The following AUH variants were observed in gnomAD, a reference collection of about 807,000 sequenced individuals.
AUH encodes the protein methylglutaconyl-CoA hydratase, mitochondrial.
In AUH, 29 loss-of-function variants were observed where a neutral mutation model predicts 42.3. The observed-to-expected ratio is 0.69, with a 90% confidence interval of 0.51 to 0.93. The LOEUF (loss-of-function observed/expected upper bound fraction) is 0.93, where lower values mean the gene tolerates loss of function less well. AUH is among the 40% of genes least tolerant of loss of function. The pLI is 0.00. For missense variants in AUH, 452 were observed against 438.1 expected (o/e 1.03, Z -0.28); for synonymous variants, 174 against 166.4 (o/e 1.05, Z -0.35).
At chr9:91,229,861 T>G (rs1159168775) in intron 6 of AUH, among the ~76,000 whole-genome samples, 1 of 151,772 alleles carries the variant, frequency 6.6e-6, no homozygotes, top group African/African-American at 2.4e-5. Context: ...AATTCTTTTC[T>G]TTAAGAATGT....
chr9:91,329,017 C>T (rs1037258852), intron 3 of AUH, among the ~76,000 whole-genome samples: 1 of 152,144 alleles, frequency 6.6e-6, no homozygotes, highest in African/African-American at 2.4e-5. Context: ...TAAATTCATA[C>T]AATATGTGGT....
intron 6 of AUH, among the ~76,000 whole-genome samples, chr9:91,288,524 T>G (rs1826600026): frequency 2.6e-5 from 4 of 152,128 alleles, no homozygotes. Flanking sequence ...TTTAAATTAT[T>G]TTTAAATGGG....
At chr9:91,356,215 C>G in intron 1 of AUH, 60 bp from the exon 2 acceptor site, 1 of 1,327,478 alleles carries the variant, frequency 7.5e-7, no homozygotes, top group Non-Finnish European at 1.1e-6. Flanking sequence ...AGAGAACAGA[C>G]TCTACATCAC....
intron 6 of AUH, among the ~76,000 whole-genome samples, chr9:91,257,733 C>G (rs183525034): frequency 3.6e-4 from 55 of 152,286 alleles, no homozygotes; most frequent in Non-Finnish European, 3.2e-4. Flanking sequence ...AGTGTTTAAT[C>G]TACCAACTTT....
chr9:91,282,024 A>C (rs76927933), intron 6 of AUH, among the ~76,000 whole-genome samples: 3,003 of 152,210 alleles, frequency 0.02, 86 homozygotes, highest in African/African-American at 0.06. Flanking sequence ...GTAAAAGTTA[A>C]AAGTCCTGAC....
chr9:91,299,476 G>A (rs1242874581), intron 4 of AUH, among the ~76,000 whole-genome samples: 2 of 152,054 alleles, frequency 1.3e-5, no homozygotes, highest in East Asian at 3.9e-4. Flanking sequence ...CGTGGAAGGG[G>A]CTTTTGCACA....
chr9:91,228,912 TGAGAGACA>T (rs1827692333), intron 6 of AUH, among the ~76,000 whole-genome samples: 1 of 152,252 alleles, frequency 6.6e-6, no homozygotes, highest in African/African-American at 2.4e-5. Flanking sequence ...CACTGTGGTC[TGAGAGACA>T]GTTTGTTTTA....
At chr9:91,254,357 A>G (rs896427720) in intron 6 of AUH, among the ~76,000 whole-genome samples, 1 of 152,348 alleles carries the variant, frequency 6.6e-6, no homozygotes, top group African/African-American at 2.4e-5. Context: ...AGGGGCCTCA[A>G]ATGGCTGAGA....
rs1383981905 is a variant in AUH at position 91,359,684 on chromosome 9, T to C, written c.262+1944A>G. On this transcript the variant is annotated intron_variant, in intron 1 of 9. Transcript: ENST00000375731. ...TGAGACCTGGTGTATTCTGCACTAC[T>C]TACCCCCACCCACCTAAAGTGCTGC... is the stretch of plus-strand genomic sequence containing the variant. Among the ~76,000 whole-genome samples the C allele has an allele frequency of 3.3e-5, 5 of 152,190 alleles. No homozygotes were observed. In the East Asian group the frequency reaches 7.7e-4, roughly 23 times the overall value.
At chr9:91,336,555 G>A (rs1284900405) in intron 3 of AUH, among the ~76,000 whole-genome samples, 6 of 151,870 alleles carry the variant, frequency 4.0e-5, no homozygotes, top group Non-Finnish European at 1.5e-5. Flanking sequence ...ACTTGAACCT[G>A]GGATGCGGAG....
At chr9:91,310,003 CA>C (rs1321236784) in intron 4 of AUH, among the ~76,000 whole-genome samples, 3 of 152,122 alleles carry the variant, frequency 2.0e-5, no homozygotes, top group Non-Finnish European at 4.4e-5. Flanking sequence ...ATAGCATTAA[CA>C]TTCTGATGAC....
intron 6 of AUH, among the ~76,000 whole-genome samples, chr9:91,295,228 T>C (rs1016044553): frequency 6.6e-5 from 10 of 152,194 alleles, no homozygotes; most frequent in Non-Finnish European, 1.3e-4. Context: ...ATTAAACCTC[T>C]TTCCTTTATA....
chr9:91,244,071 C>T (rs557018828), intron 6 of AUH, among the ~76,000 whole-genome samples: 3 of 152,226 alleles, frequency 2.0e-5, no homozygotes, highest in Non-Finnish European at 4.4e-5. Context: ...AGACATATCT[C>T]AAGAAAAACA....
chr9:91,306,258 A>T, intron 4 of AUH: 1 of 680,880 alleles, frequency 1.5e-6, no homozygotes, highest in Non-Finnish European at 1.8e-6. Flanking sequence ...CCCTAAGGGA[A>T]ATGCACAGAT....
chr9:91,359,554 T>C (rs1832689985), intron 1 of AUH, among the ~76,000 whole-genome samples: 1 of 151,920 alleles, frequency 6.6e-6, no homozygotes, highest in Admixed American at 6.6e-5. Flanking sequence ...CTCAAAGTCC[T>C]GGGCAGTCTC....
chr9:91,273,187 G>A (rs545702513), intron 6 of AUH, among the ~76,000 whole-genome samples: 2 of 152,306 alleles, frequency 1.3e-5, no homozygotes, highest in South Asian at 4.2e-4. Flanking sequence ...TTCTGATAAG[G>A]ACCCTGCTGC....
Position 91,266,081 on chromosome 9 carries a change from G to A in AUH, c.655+29940C>T, listed in dbSNP as rs192683814. Among the ~76,000 whole-genome samples the A allele has an allele frequency of 2.5e-3, 385 of 152,164 alleles. 2 individuals carry two copies. The highest frequency in any genetic ancestry group is 6.8e-3 in the Middle Eastern group (2 of 294). On this transcript the variant is annotated intron_variant, in intron 6 of 9. Transcript: ENST00000375731. ...TTTTAAGCTTATAAAGGAAAGTTACGGCCGGGCACGGTGGCTCATGCGTGT... is the reference window on the plus strand; with the variant it reads ...TTTTAAGCTTATAAAGGAAAGTTACAGCCGGGCACGGTGGCTCATGCGTGT...
chr9:91,273,232 G>A (rs952430379), intron 6 of AUH, among the ~76,000 whole-genome samples: 1 of 152,104 alleles, frequency 6.6e-6, no homozygotes, highest in African/African-American at 2.4e-5. Flanking sequence ...AACTCAGCAG[G>A]GACCCAGAGA....
At chr9:91,253,288 C>CGT (rs1564032176) in intron 6 of AUH, among the ~76,000 whole-genome samples, 5 of 152,180 alleles carry the variant, frequency 3.3e-5, no homozygotes, top group African/African-American at 1.2e-4. Context: ...GAGCAACTAA[C>CGT]TAGAACTCTG....
Sources: allele counts gnomAD v4.1 joint callset (sites outside exome capture counted in the v4.1 genomes callset), GRCh38; gene constraint gnomAD v4.1.1; transcripts MANE v1.5; gene names NCBI Gene and HGNC (gene_info 2026-07-23, HGNC 2026-07-21).